The following GLIPR1L2 variants were observed in gnomAD, a reference collection of about 807,000 sequenced individuals.
GLIPR1L2 encodes GLIPR1 like 2.
A neutral mutation model predicts 28.4 loss-of-function variants in GLIPR1L2; 21 were observed. The observed-to-expected ratio is 0.74, with a 90% CI of 0.52 to 1.06. The LOEUF is 1.06. Ranked by LOEUF, GLIPR1L2 falls within the 50% of genes least tolerant of loss-of-function variation. The pLI is 0.00. For synonymous variants in GLIPR1L2, 145 were observed against 139.3 expected (o/e 1.04, Z -0.29); for missense variants, 476 against 416.9 (o/e 1.14, Z -1.23).
intron 4 of GLIPR1L2, chr12:75,423,327 T>A: frequency 9.1e-7 from 1 of 1,095,238 alleles, no homozygotes; most frequent in East Asian, 5.5e-5. Context: ...GATAGTATAT[T>A]CCAAAATATT....
chr12:75,429,279 A>C (rs374895098), intron 4 of GLIPR1L2, among the ~76,000 whole-genome samples: 1 of 152,178 alleles, frequency 6.6e-6, no homozygotes, highest in African/African-American at 2.4e-5. Context: ...CATGGAGCCA[A>C]AGGAGATTAT....
Position 75,431,173 on chromosome 12 carries a change from G to C in GLIPR1L2, c.*12G>C, listed in dbSNP as rs961880998. Reference sequence around the variant, plus strand: ...AAGAGGAAAAATAAGAGTAGAAAGAGGAGGAAAAAGATGTATCACCAATAT... The same window carrying C: ...AAGAGGAAAAATAAGAGTAGAAAGACGAGGAAAAAGATGTATCACCAATAT... On this transcript the variant is annotated 3_prime_UTR_variant, in exon 6 of 6. Coordinates refer to ENST00000550916, the MANE Select transcript of GLIPR1L2 (RefSeq NM_001270396.2). The C allele has an allele frequency of 7.6e-6, 5 of 657,562 alleles. No individual in the cohort carries two copies. Among genetic ancestry groups the C allele is most frequent in the Middle Eastern group, 4.0e-4 (1 of 2,504 alleles). The allele number at this position is 657,562 out of a possible 1,614,324, so 40.7% of individuals were successfully genotyped here.
chr12:75,408,629 G>A (rs773050810), intron 1 of GLIPR1L2, among the ~76,000 whole-genome samples: 1 of 151,996 alleles, frequency 6.6e-6, no homozygotes, highest in Non-Finnish European at 1.5e-5. Flanking sequence ...TCTATTAATG[G>A]TGAAATGGTT....
In GLIPR1L2 at chr12:75,430,924, G is replaced by A. The variant is rs2139972069; in HGVS notation, c.798G>A (p.Leu266=). 3 of 1,535,510 alleles carry A rather than the reference G, an allele frequency of 2.0e-6. No homozygotes were observed. The highest frequency in any genetic ancestry group is 1.4e-5 in the African/African-American group (1 of 73,128). The stretch of plus-strand genomic sequence containing the variant: ...TATTGAGAATATTATGTTTTATCCT[G>A]TGTGTCATAACTGTTTTGATAGTAC... The part of the protein sequence containing the change: ...ILLLRILCFI[L]CVITVLIVQS... Residue 266 remains leucine, a synonymous_variant, in exon 6 of 6, where the codon CTG becomes CTA. Transcript: ENST00000550916.
chr12:75,430,081 A>C (rs1482302798), intron 4 of GLIPR1L2, among the ~76,000 whole-genome samples: 1 of 151,820 alleles, frequency 6.6e-6, no homozygotes, highest in Non-Finnish European at 1.5e-5. Context: ...GACTACAGGC[A>C]AAACCTCTTT....
intron 1 of GLIPR1L2, among the ~76,000 whole-genome samples, chr12:75,394,284 T>G (rs1031727165): frequency 6.6e-6 from 1 of 152,064 alleles, no homozygotes; most frequent in Non-Finnish European, 1.5e-5. Context: ...TAATTTATCA[T>G]TTTTTGTTGT....
chr12:75,394,989 C>A (rs764896072), intron 1 of GLIPR1L2, among the ~76,000 whole-genome samples: 11 of 151,590 alleles, frequency 7.3e-5, no homozygotes, highest in Non-Finnish European at 1.5e-4. Flanking sequence ...ATATTTTATT[C>A]TTTTTGATGC....
chr12:75,427,094 G>A (rs993919210), intron 4 of GLIPR1L2, among the ~76,000 whole-genome samples: 1 of 152,036 alleles, frequency 6.6e-6, no homozygotes, highest in African/African-American at 2.4e-5. Flanking sequence ...AAACTTGGGA[G>A]GAGAAGAGAG....
At chr12:75,395,266 A>G (rs1373785038) in intron 1 of GLIPR1L2, among the ~76,000 whole-genome samples, 1 of 152,076 alleles carries the variant, frequency 6.6e-6, no homozygotes, top group Non-Finnish European at 1.5e-5. Context: ...TCCTGCACCA[A>G]GGAGTAAATT....
chr12:75,403,428 C>A (rs770217327), intron 1 of GLIPR1L2, among the ~76,000 whole-genome samples: 1 of 152,098 alleles, frequency 6.6e-6, no homozygotes, highest in African/African-American at 2.4e-5. Flanking sequence ...GTCTTGGCTT[C>A]TTATAAGGTC....
In GLIPR1L2 at chr12:75,391,283, A is replaced by C. The variant is rs2139901349; in HGVS notation, c.167A>C (p.Glu56Ala). 6.2e-7 allele frequency: 1 copy of C among 1,614,218 alleles called. No individual in the cohort carries two copies. The highest frequency in any genetic ancestry group is 8.5e-7 in the Non-Finnish European group (1 of 1,180,030). Residue 56 changes from glutamate to alanine, a missense_variant, in exon 1 of 6, where the codon GAG (glutamate) becomes GCG (alanine). By Grantham distance (107) the Glu-to-Ala change is moderately radical (BLOSUM62 -1). Transcript: ENST00000550916. ...GAGGAGGACGTAGACTTTATCAACG[A>C]GTACGTGAACCTCCACAATGAGCTG... ...PDEEDVDFIN[E>A]YVNLHNELRG...
intron 2 of GLIPR1L2, among the ~76,000 whole-genome samples, chr12:75,413,320 ATG>A (rs1471913160): frequency 6.6e-6 from 1 of 151,694 alleles, no homozygotes; most frequent in Non-Finnish European, 1.5e-5. Flanking sequence ...CATTGTGCAC[ATG>A]TACCCTAAAA....
intron 3 of GLIPR1L2, among the ~76,000 whole-genome samples, chr12:75,417,275 A>G (rs536997785): frequency 1.3e-5 from 2 of 152,234 alleles, no homozygotes; most frequent in African/African-American, 4.8e-5. Flanking sequence ...GTGTGACCAC[A>G]GCAGAAGCAG....
intron 1 of GLIPR1L2, among the ~76,000 whole-genome samples, chr12:75,398,520 T>C (rs569103425): frequency 6.6e-6 from 1 of 152,234 alleles, no homozygotes; most frequent in South Asian, 2.1e-4. Context: ...GCTTCAACTT[T>C]CTTACATTCT....
rs770951909 is a variant in GLIPR1L2 at position 75,391,508 on chromosome 12, A to G, written c.234+158A>G. The G allele has an allele frequency of 9.8e-6, 15 of 1,536,318 alleles. No individual in the cohort carries two copies. The Admixed American group carries it at 2.6e-4, about 26-fold the overall frequency. ...AGTACACGTGAAGTTTACACAGAGAAAAACTGCGGACACTCTAACACATGC... is the reference window on the plus strand; with the variant it reads ...AGTACACGTGAAGTTTACACAGAGAGAAACTGCGGACACTCTAACACATGC... On this transcript the variant is annotated intron_variant, in intron 1 of 5. Coordinates refer to ENST00000550916, the MANE Select transcript of GLIPR1L2 (RefSeq NM_001270396.2).
At chr12:75,430,569 T>C (rs537954517) in intron 4 of GLIPR1L2, 146 bp from the exon 5 acceptor site, 5 of 679,914 alleles carry the variant, frequency 7.4e-6, no homozygotes, top group Non-Finnish European at 1.2e-5. Context: ...TATTGTACTT[T>C]AAAATTGGCC....
At chr12:75,425,650 T>C (rs2046026985) in intron 4 of GLIPR1L2, among the ~76,000 whole-genome samples, 1 of 152,228 alleles carries the variant, frequency 6.6e-6, no homozygotes, top group East Asian at 1.9e-4. Context: ...CAATATTTAT[T>C]GCTTTCTGAG....
At chr12:75,403,080 A>G (rs1416546832) in intron 1 of GLIPR1L2, 5 of 457,106 alleles carry the variant, frequency 1.1e-5, no homozygotes, top group Non-Finnish European at 2.2e-5. Context: ...CCTCTCACCC[A>G]GGACTCCAAG....
intron 1 of GLIPR1L2, among the ~76,000 whole-genome samples, chr12:75,410,052 TAATA>T (rs2045849593): frequency 6.6e-6 from 1 of 151,648 alleles, no homozygotes. Context: ...AATCATTACT[TAATA>T]AATACCTCTT....
Sources: gnomAD v4.1 joint callset for allele counts (sites outside exome capture counted in the v4.1 genomes callset) on GRCh38, gnomAD v4.1.1 for gene constraint, MANE v1.5 for transcripts, NCBI Gene and HGNC (gene_info 2026-07-23, HGNC 2026-07-21) for gene names.